Variants in SPATS2L observed in about 807,000 individuals in gnomAD.
SPATS2L encodes SPATS2-like protein.
In SPATS2L, 30 loss-of-function variants were observed where a neutral mutation model predicts 59.6. The observed-to-expected ratio is 0.50, with a 90% CI of 0.38 to 0.68. The LOEUF is 0.68. SPATS2L is among the 30% of genes least tolerant of loss of function. SPATS2L has a pLI of 0.00. For missense variants in SPATS2L, 615 were observed against 700.0 expected (o/e 0.88, Z 1.37); for synonymous variants, 252 against 263.5 (o/e 0.96, Z 0.42).
intron 8 of SPATS2L, among the ~76,000 whole-genome samples, chr2:200,443,159 C>G (rs1309572279): frequency 6.6e-6 from 1 of 152,178 alleles, no homozygotes; most frequent in Non-Finnish European, 1.5e-5. Context: ...AAAAACCTTG[C>G]CTCTGTTCCA....
intron 10 of SPATS2L, among the ~76,000 whole-genome samples, chr2:200,467,648 T>C (rs2086689935): frequency 6.6e-6 from 1 of 152,206 alleles, no homozygotes; most frequent in Non-Finnish European, 1.5e-5. Flanking sequence ...CAGTAGAGAC[T>C]GAACCAAATA....
In SPATS2L at chr2:200,306,888, G is replaced by A. The variant is rs1334436779; in HGVS notation, c.-107G>A. On this transcript the variant is annotated 5_prime_UTR_variant, in exon 1 of 13. Transcript: ENST00000409140. ...GACCGCGCCCCCGGGCCCCGGCTCC[G>A]GCCCGGGACGGAGGAGCCGGCGCTC... 3 of 981,048 alleles carry A rather than the reference G, an allele frequency of 3.1e-6. No individual in the cohort carries two copies. The highest frequency in any genetic ancestry group is 4.7e-5 in the South Asian group (1 of 21,272). The allele number at this position is 981,048 out of a possible 1,614,324, so 60.8% of individuals were successfully genotyped here.
chr2:200,464,703 C>T (rs1339113971), intron 9 of SPATS2L, among the ~76,000 whole-genome samples: 1 of 152,052 alleles, frequency 6.6e-6, no homozygotes, highest in Non-Finnish European at 1.5e-5. Context: ...AGGTCTTGAA[C>T]TCCTGAGTCA....
chr2:200,393,064 G>A (rs1329174732), intron 3 of SPATS2L: 1 of 372,180 alleles, frequency 2.7e-6, no homozygotes, highest in East Asian at 7.3e-5. Context: ...TGAACTCACA[G>A]TCATATATTC....
At chr2:200,369,401 C>A (rs1011124008) in intron 2 of SPATS2L, among the ~76,000 whole-genome samples, 1 of 152,018 alleles carries the variant, frequency 6.6e-6, no homozygotes, top group African/African-American at 2.4e-5. Context: ...TTAAGTGATC[C>A]GCCCACCTTG....
chr2:200,335,393 G>GA (rs35753131), intron 2 of SPATS2L, among the ~76,000 whole-genome samples: 39,179 of 149,000 alleles, frequency 0.26, 6,407 homozygotes, highest in South Asian at 0.37. Flanking sequence ...AAAAAAGAAA[G>GA]AAAAAAAAAA....
intron 8 of SPATS2L, among the ~76,000 whole-genome samples, chr2:200,449,107 ATG>A (rs760349431): frequency 6.6e-6 from 1 of 151,990 alleles, no homozygotes; most frequent in Non-Finnish European, 1.5e-5. Flanking sequence ...ATTTGTGAAT[ATG>A]TGTCTTTCTA....
Position 200,481,669 on chromosome 2 carries a change from C to A in SPATS2L, c.*3638C>A, listed in dbSNP as rs1456035712. The stretch of plus-strand genomic sequence containing the variant: ...TGATAGCATCCAATGACCTATGTAA[C>A]GGCACCCTTTTTTGCTGTACGCGTT... On this transcript the variant is annotated 3_prime_UTR_variant, in exon 13 of 13. Coordinates refer to ENST00000409140, the MANE Select transcript of SPATS2L (RefSeq NM_001100423.2). 1 of 152,324 alleles carries A rather than the reference C, an allele frequency of 6.6e-6. No individual in the cohort carries two copies. Among genetic ancestry groups the A allele is most frequent in the Non-Finnish European group, 1.5e-5 (1 of 68,134 alleles). The allele number at this position is 152,324 out of a possible 1,614,324, so 9.4% of individuals were successfully genotyped here.
intron 2 of SPATS2L, among the ~76,000 whole-genome samples, chr2:200,364,900 A>T (rs1374544329): frequency 6.6e-6 from 1 of 152,192 alleles, no homozygotes; most frequent in Non-Finnish European, 1.5e-5. Flanking sequence ...CTGGGCTGGA[A>T]GAATAAACTC....
chr2:200,324,000 C>G (rs2079648938), intron 1 of SPATS2L, among the ~76,000 whole-genome samples: 1 of 152,128 alleles, frequency 6.6e-6, no homozygotes, highest in Admixed American at 6.5e-5. Context: ...GGTTCTTCCC[C>G]CCAGTTCTGG....
At chr2:200,338,554 C>T (rs922288657) in intron 2 of SPATS2L, among the ~76,000 whole-genome samples, 2 of 152,124 alleles carry the variant, frequency 1.3e-5, no homozygotes, top group African/African-American at 4.8e-5. Flanking sequence ...AACCTGAAAG[C>T]CCAGTGGTAT....
chr2:200,412,480 A>T, intron 4 of SPATS2L, 61 bp downstream of exon 4: 1 of 932,218 alleles, frequency 1.1e-6, no homozygotes, highest in Non-Finnish European at 1.6e-6. Context: ...GATATTCCAT[A>T]TTTTTTCCTT....
At chr2:200,348,941 CT>C (rs1320152890) in intron 2 of SPATS2L, among the ~76,000 whole-genome samples, 1 of 151,422 alleles carries the variant, frequency 6.6e-6, no homozygotes, top group East Asian at 1.9e-4. Context: ...GGCTCTATTC[CT>C]TTCTGACTAT....
At chr2:200,398,674 T>C (rs2082427004) in intron 3 of SPATS2L, among the ~76,000 whole-genome samples, 1 of 152,200 alleles carries the variant, frequency 6.6e-6, no homozygotes, top group African/African-American at 2.4e-5. Context: ...TGGGAGTTCA[T>C]GTAGATGAAC....
rs188671295 is a variant in SPATS2L, at chr2:200,470,344, T to G, written c.1060+328T>G. Among the ~76,000 whole-genome samples the G allele has an allele frequency of 7.9e-4, 120 of 152,310 alleles. 1 individual carries two copies. Among genetic ancestry groups the G allele is most frequent in the Admixed American group, 2.0e-3 (31 of 15,304 alleles). On this transcript the variant is annotated intron_variant, in intron 11 of 12. Coordinates refer to ENST00000409140, the MANE Select transcript of SPATS2L (RefSeq NM_001100423.2). ...CAAACAGCCCTGGTTCTACAGAAAC[T>G]CGTTAGGCAGAGAGAGTGAGTCTTC...
chr2:200,447,030 G>A (rs2085094393), intron 8 of SPATS2L, among the ~76,000 whole-genome samples: 1 of 152,184 alleles, frequency 6.6e-6, no homozygotes, highest in South Asian at 2.1e-4. Context: ...GAAGAAAATG[G>A]AAAAATTAAG....
intron 6 of SPATS2L, among the ~76,000 whole-genome samples, chr2:200,435,604 C>G (rs1451949160): frequency 6.6e-6 from 1 of 152,044 alleles, no homozygotes; most frequent in East Asian, 1.9e-4. Flanking sequence ...TACGAGATAC[C>G]AAGCACATAC....
At chr2:200,471,583 G>A (rs1351875809) in intron 11 of SPATS2L, among the ~76,000 whole-genome samples, 1 of 152,156 alleles carries the variant, frequency 6.6e-6, no homozygotes, top group African/African-American at 2.4e-5. Context: ...CAGCTTTGTT[G>A]AGAGCACATT....
intron 2 of SPATS2L, among the ~76,000 whole-genome samples, chr2:200,341,691 A>ATT (rs56132248): frequency 0.058 from 8,194 of 140,992 alleles, 453 homozygotes; most frequent in Admixed American, 0.19. Flanking sequence ...ATTAACTATA[A>ATT]TTTTTTTTTT....
Sources: gnomAD v4.1 joint callset for allele counts (sites outside exome capture counted in the v4.1 genomes callset) on GRCh38, gnomAD v4.1.1 for gene constraint, MANE v1.5 for transcripts, NCBI Gene and HGNC (gene_info 2026-07-23, HGNC 2026-07-21) for gene names.